TCF4: variants seen among roughly 807,000 people sequenced by gnomAD.
The protein encoded by TCF4 is SL3-3 enhancer factor 2.
Under a neutral mutation model 82.1 loss-of-function variants are expected in TCF4, and 3 were observed. The observed-to-expected ratio is 0.04, with a 90% CI of 0.02 to 0.09. The LOEUF is 0.09. TCF4 is among the 10% of genes least tolerant of loss of function. The probability of loss-of-function intolerance (pLI) is 1.00; values close to 1 mark genes in which losing one functional copy is unlikely to be tolerated. For missense variants in TCF4, 518 were observed against 852.7 expected (o/e 0.61, Z 4.89); for synonymous variants, 276 against 309.6 (o/e 0.89, Z 1.14).
intron 3 of TCF4, among the ~76,000 whole-genome samples, chr18:55,491,407 G>T (rs1349571342): frequency 6.6e-6 from 1 of 152,226 alleles, no homozygotes; most frequent in East Asian, 1.9e-4. Flanking sequence ...TGACACAATC[G>T]AAAGGGCATT....
chr18:55,315,210 C>A (rs1363642066), intron 8 of TCF4, among the ~76,000 whole-genome samples: 1 of 152,108 alleles, frequency 6.6e-6, no homozygotes, highest in Admixed American at 6.6e-5. Context: ...GGTGTTCAAA[C>A]CCACTCTTTA....
At chr18:55,516,937 T>C (rs1167101089) in intron 3 of TCF4, among the ~76,000 whole-genome samples, 1 of 152,192 alleles carries the variant, frequency 6.6e-6, no homozygotes, top group Non-Finnish European at 1.5e-5. Context: ...GAATTATGTT[T>C]TAAAGATCAC....
At chr18:55,321,527 T>C in intron 8 of TCF4, 1 of 1,224,798 alleles carries the variant, frequency 8.2e-7, no homozygotes, top group Admixed American at 2.0e-5. Context: ...ATCTTAGGAT[T>C]GGCAAATGAT....
At chr18:55,450,795 G>C (rs1381575360) in intron 5 of TCF4, among the ~76,000 whole-genome samples, 2 of 152,182 alleles carry the variant, frequency 1.3e-5, no homozygotes, top group African/African-American at 4.8e-5. Flanking sequence ...GAAAACCATG[G>C]TACCTTGTAG....
chr18:55,521,041 AG>A (rs1039559948), intron 3 of TCF4, among the ~76,000 whole-genome samples: 5 of 152,120 alleles, frequency 3.3e-5, no homozygotes, highest in Admixed American at 6.6e-5. Flanking sequence ...GATAAGGCTG[AG>A]GGGGGTCAGA....
At chr18:55,408,990 T>C (rs1388448721) in intron 5 of TCF4, among the ~76,000 whole-genome samples, 1 of 152,226 alleles carries the variant, frequency 6.6e-6, no homozygotes, top group Non-Finnish European at 1.5e-5. Context: ...AGGTACTTTA[T>C]AGCTGCACAA....
At chr18:55,326,081 A>G (rs2076503777) in intron 8 of TCF4, among the ~76,000 whole-genome samples, 1 of 152,216 alleles carries the variant, frequency 6.6e-6, no homozygotes, top group African/African-American at 2.4e-5. Context: ...AAAGATCCTT[A>G]GATGACATTT....
intron 3 of TCF4, among the ~76,000 whole-genome samples, chr18:55,516,412 T>C (rs1189155710): frequency 6.6e-6 from 1 of 151,802 alleles, no homozygotes; most frequent in Non-Finnish European, 1.5e-5. Flanking sequence ...ATAAGCAAAA[T>C]GAAGGGAAAG....
intron 3 of TCF4, among the ~76,000 whole-genome samples, chr18:55,531,898 T>C (rs569082968): frequency 6.6e-6 from 1 of 152,348 alleles, no homozygotes; most frequent in African/African-American, 2.4e-5. Context: ...ACATGGTGAA[T>C]ATAATCTGGC....
chr18:55,580,515 A>C (rs1244415243), intron 3 of TCF4, among the ~76,000 whole-genome samples: 1 of 152,030 alleles, frequency 6.6e-6, no homozygotes, highest in Non-Finnish European at 1.5e-5. Flanking sequence ...TAAAACTAAT[A>C]AAGATATGAG....
chr18:55,377,258 G>T (rs949326155), intron 6 of TCF4, among the ~76,000 whole-genome samples: 1 of 152,150 alleles, frequency 6.6e-6, no homozygotes, highest in African/African-American at 2.4e-5. Flanking sequence ...CTTGAGCCCA[G>T]GAGTTCAAGA....
intron 6 of TCF4, among the ~76,000 whole-genome samples, chr18:55,389,593 G>A (rs142118162): frequency 7.2e-5 from 11 of 152,286 alleles, no homozygotes; most frequent in East Asian, 5.8e-4. Flanking sequence ...AGAGAGAACC[G>A]TGAAAGAACT....
At chr18:55,574,764 C>T (rs937183912) in intron 3 of TCF4, among the ~76,000 whole-genome samples, 3 of 151,588 alleles carry the variant, frequency 2.0e-5, no homozygotes, top group African/African-American at 7.3e-5. Flanking sequence ...ATTTCTAGCA[C>T]TATAACTTGT....
rs945292635 is a variant in TCF4, at chr18:55,255,781, T to C, written c.1147-1081A>G. On this transcript the variant is annotated intron_variant, in intron 14 of 19. Coordinates refer to ENST00000354452, the MANE Select transcript of TCF4 (RefSeq NM_001083962.2). ...CTGCTAGGAAATGGTAAAGTCAGAGTTGGAATCTAGGTCTTTTTATTTTAA... is the reference window on the plus strand; with the variant it reads ...CTGCTAGGAAATGGTAAAGTCAGAGCTGGAATCTAGGTCTTTTTATTTTAA... Among the ~76,000 whole-genome samples the C allele has an allele frequency of 3.0e-4, 46 of 152,170 alleles. 1 individual carries two copies. Among genetic ancestry groups the C allele is most frequent in the African/African-American group, 1.1e-3 (45 of 41,540 alleles).
chr18:55,277,950 C>T (rs191021904), intron 9 of TCF4, among the ~76,000 whole-genome samples: 54 of 152,182 alleles, frequency 3.5e-4, no homozygotes, highest in Middle Eastern at 6.8e-3. Context: ...CGGCACAAAA[C>T]GCACCCAGGT....
intron 3 of TCF4, among the ~76,000 whole-genome samples, chr18:55,538,587 C>CA (rs1427431677): frequency 3.3e-5 from 5 of 152,154 alleles, no homozygotes; most frequent in Non-Finnish European, 2.9e-5. Context: ...CCAGGTCTAC[C>CA]AAAGACAGAG....
intron 8 of TCF4, among the ~76,000 whole-genome samples, chr18:55,343,815 C>T (rs1346689762): frequency 6.6e-6 from 1 of 152,096 alleles, no homozygotes; most frequent in Non-Finnish European, 1.5e-5. Flanking sequence ...ATAAAAGCTC[C>T]TATTCCTTTA....
chr18:55,262,064 T>C (rs1036710781), intron 11 of TCF4, among the ~76,000 whole-genome samples: 1 of 152,212 alleles, frequency 6.6e-6, no homozygotes, highest in African/African-American at 2.4e-5. Flanking sequence ...ATATTTTTAA[T>C]GTTTTAAATA....
chr18:55,241,203 T>A lies in TCF4; in HGVS notation c.1351-6520A>T, dbSNP rs564873756. ...ACGGATGTGAGCCGACCTCAGTTCA[T>A]CTTTCTTGTACTAACTCATACGTTC... is the stretch of plus-strand genomic sequence containing the variant. On this transcript the variant is annotated intron_variant, in intron 15 of 19. Coordinates refer to ENST00000354452, the MANE Select transcript of TCF4 (RefSeq NM_001083962.2). 1.1e-4 allele frequency among the ~76,000 whole-genome samples: 17 copies of A among 152,348 alleles called. No homozygotes were observed. The South Asian group carries it at 3.3e-3, about 30-fold the overall frequency.
Sources: allele counts gnomAD v4.1 joint callset (sites outside exome capture counted in the v4.1 genomes callset), GRCh38; gene constraint gnomAD v4.1.1; transcripts MANE v1.5; gene names NCBI Gene and HGNC (gene_info 2026-07-23, HGNC 2026-07-21).